Variants in FHIP1A observed in about 807,000 individuals in gnomAD.
FHIP1A encodes the protein FHF complex subunit HOOK interacting protein 1A.
Under a neutral mutation model 88.6 loss-of-function variants are expected in FHIP1A, and 61 were observed. That is an observed-to-expected ratio of 0.69 (90% CI 0.56 to 0.85). The LOEUF is 0.85. FHIP1A is among the 40% of genes least tolerant of loss of function. The pLI, the probability that FHIP1A is intolerant of heterozygous loss-of-function variation, is 0.00. For missense variants in FHIP1A, 1,154 were observed against 1,273.5 expected (o/e 0.91, Z 1.43); for synonymous variants, 478 against 496.0 (o/e 0.96, Z 0.48).
chr4:151,555,745 A>G (rs1732921833), intron 3 of FHIP1A, among the ~76,000 whole-genome samples: 1 of 152,134 alleles, frequency 6.6e-6, no homozygotes, highest in Admixed American at 6.6e-5. Flanking sequence ...AGTCACTTTG[A>G]TAGACTGTTG....
intron 3 of FHIP1A, among the ~76,000 whole-genome samples, chr4:151,511,557 C>T (rs1376763515): frequency 6.6e-6 from 1 of 152,196 alleles, no homozygotes; most frequent in Non-Finnish European, 1.5e-5. Context: ...CAGACGGCAC[C>T]TGGAAAATCG....
chr4:151,578,363 A>G (rs947584912), intron 5 of FHIP1A, among the ~76,000 whole-genome samples: 3 of 152,234 alleles, frequency 2.0e-5, no homozygotes, highest in Non-Finnish European at 2.9e-5. Context: ...TTCCAGGAGC[A>G]TATCCTGAGA....
chr4:151,593,636 C>G (rs1210568575), intron 7 of FHIP1A, among the ~76,000 whole-genome samples: 2 of 152,148 alleles, frequency 1.3e-5, no homozygotes, highest in African/African-American at 4.8e-5. Flanking sequence ...GCTGAAGTTG[C>G]TTATCAGTTT....
chr4:151,637,726 T>C (rs1403115010), intron 8 of FHIP1A, among the ~76,000 whole-genome samples: 1 of 152,180 alleles, frequency 6.6e-6, no homozygotes, highest in Non-Finnish European at 1.5e-5. Flanking sequence ...GCATTGCATT[T>C]AATGGAACCA....
chr4:151,577,450 G>A lies in FHIP1A; in HGVS notation c.106G>A (p.Val36Ile), dbSNP rs199902938. The change falls in exon 5 of 14, where the codon GTT becomes ATT. Residue 36 changes from valine to isoleucine, a missense_variant and splice_region_variant. Transcript: ENST00000435205. ...MIVFKNHWAQ[V>I]VKILEKHDPL... ...TGACAAATGCTTGACTTGGTTACAG[G>A]TTGTGAAAATCTTGGAGAAGCACGA... 16 of 1,529,516 alleles carry A rather than the reference G, an allele frequency of 1.0e-5. No homozygotes were observed. Among genetic ancestry groups the A allele is most frequent in the Admixed American group, 4.1e-5 (2 of 48,742 alleles). The allele number at this position is 1,529,516 out of a possible 1,614,324, so 94.7% of individuals were successfully genotyped here.
intron 9 of FHIP1A, among the ~76,000 whole-genome samples, chr4:151,645,604 A>G (rs1736761707): frequency 6.6e-6 from 1 of 150,986 alleles, no homozygotes; most frequent in African/African-American, 2.4e-5. Context: ...GCTGATTGAA[A>G]GTTTGTGATC....
At chr4:151,477,057 G>A (rs553353146) in intron 2 of FHIP1A, among the ~76,000 whole-genome samples, 1 of 152,148 alleles carries the variant, frequency 6.6e-6, no homozygotes, top group African/African-American at 2.4e-5. Flanking sequence ...GAATTAATCT[G>A]TATTTTTATG....
At chr4:151,601,406 A>G (rs1734862638) in intron 7 of FHIP1A, among the ~76,000 whole-genome samples, 1 of 151,978 alleles carries the variant, frequency 6.6e-6, no homozygotes, top group Admixed American at 6.6e-5. Context: ...TGGAAGGTAG[A>G]TATGGTTCCT....
chr4:151,649,563 C>T lies in FHIP1A; in HGVS notation c.1522C>T (p.His508Tyr). ...ISYLQYLWEA[H>Y]TNILRCMRDC... is the part of the protein sequence containing the mutation. ...CTACCTGCAGTACCTGTGGGAGGCCCACACCAACATCCTCCGCTGCATGAG... is the reference window on the plus strand; with the variant it reads ...CTACCTGCAGTACCTGTGGGAGGCCTACACCAACATCCTCCGCTGCATGAG... Residue 508 changes from histidine (H) to tyrosine (Y), a missense_variant, in exon 11 of 14, where the codon CAC becomes TAC. His to Tyr is a moderately conservative substitution (Grantham distance 83). Transcript: ENST00000435205. 6.4e-7 allele frequency: 1 copy of T among 1,551,720 alleles called. No individual in the cohort carries two copies. The highest frequency in any genetic ancestry group is 8.7e-7 in the Non-Finnish European group (1 of 1,146,986).
intron 3 of FHIP1A, among the ~76,000 whole-genome samples, chr4:151,490,666 T>A (rs1467443109): frequency 1.3e-5 from 2 of 151,554 alleles, no homozygotes; most frequent in East Asian, 3.9e-4. Flanking sequence ...AATTGCTAGA[T>A]GAAGAATTCA....
intron 1 of FHIP1A, among the ~76,000 whole-genome samples, chr4:151,412,569 TCTTTCTTTC>T (rs1378518538): frequency 2.9e-5 from 4 of 140,290 alleles, no homozygotes; most frequent in African/African-American, 8.1e-5. Context: ...TTTCTTTCTT[TCTTTCTTTC>T]CTTTCTTTCC....
At chr4:151,651,812 A>T (rs1042110721) in intron 11 of FHIP1A, among the ~76,000 whole-genome samples, 2 of 152,226 alleles carry the variant, frequency 1.3e-5, no homozygotes, top group African/African-American at 2.4e-5. Context: ...ATTTGTATAT[A>T]CAGGAAGAAA....
intron 3 of FHIP1A, among the ~76,000 whole-genome samples, chr4:151,533,260 G>C (rs561489526): frequency 5.3e-5 from 8 of 152,204 alleles, no homozygotes; most frequent in Admixed American, 2.6e-4. Flanking sequence ...GCTGAGCATG[G>C]TGGTGCATGC....
chr4:151,503,980 C>T lies in FHIP1A; in HGVS notation c.-123+21332C>T, dbSNP rs1196320085. Among the ~76,000 whole-genome samples, 3 of 152,160 alleles carry T rather than the reference C, an allele frequency of 2.0e-5. No homozygotes were observed. In the South Asian group the frequency reaches 6.2e-4, roughly 32 times the overall value. ...CCTGGGTGCATGAATCCTAACTGCA[C>T]AAAACCTAAAGGTAAATGTTCTCCA... On this transcript the variant is annotated intron_variant, in intron 3 of 13. Transcript: ENST00000435205.
chr4:151,512,037 C>T (rs941985891), intron 3 of FHIP1A, among the ~76,000 whole-genome samples: 11 of 152,232 alleles, frequency 7.2e-5, no homozygotes, highest in Non-Finnish European at 1.6e-4. Context: ...GAGGCACCCC[C>T]TAGTAGGGGC....
At chr4:151,611,999 A>G (rs1266538314) in intron 7 of FHIP1A, among the ~76,000 whole-genome samples, 1 of 152,222 alleles carries the variant, frequency 6.6e-6, no homozygotes, top group African/African-American at 2.4e-5. Context: ...GATTATGTAC[A>G]TTTGTAGAAC....
intron 1 of FHIP1A, among the ~76,000 whole-genome samples, chr4:151,410,858 A>G (rs889360078): frequency 2.6e-5 from 4 of 152,246 alleles, no homozygotes; most frequent in Admixed American, 6.5e-5. Context: ...CAGAGCTCAT[A>G]AGAATTATGT....
chr4:151,503,034 A>T (rs1730707123), intron 3 of FHIP1A, among the ~76,000 whole-genome samples: 1 of 152,248 alleles, frequency 6.6e-6, no homozygotes, highest in African/African-American at 2.4e-5. Context: ...TGAGGAAACA[A>T]ATAAAAGTTT....
chr4:151,415,107 C>T (rs1311599820), intron 1 of FHIP1A, among the ~76,000 whole-genome samples: 1 of 151,606 alleles, frequency 6.6e-6, no homozygotes, highest in Non-Finnish European at 1.5e-5. Context: ...TTTTTATGAC[C>T]ATACATGCAC....
Sources: allele counts gnomAD v4.1 joint callset (sites outside exome capture counted in the v4.1 genomes callset), GRCh38; gene constraint gnomAD v4.1.1; transcripts MANE v1.5; gene names NCBI Gene and HGNC (gene_info 2026-07-23, HGNC 2026-07-21).